The following ARK2N variants were observed in gnomAD, a reference collection of about 807,000 sequenced individuals.
The protein encoded by ARK2N is arkadia (RNF111) N-terminal like PKA signaling regulator 2N, also known as protein ARK2N.
At chr18:46,200,126 A>T in the ARK2N span, among the ~76,000 whole-genome samples, 1 of 151,446 alleles carries the variant, frequency 6.6e-6, no homozygotes, top group Non-Finnish European at 1.5e-5. Context: ...GTGTATTTTT[A>T]AGACCTGGTG....
the ARK2N span, among the ~76,000 whole-genome samples, chr18:46,186,744 G>A: frequency 5.3e-5 from 8 of 151,800 alleles, no homozygotes; most frequent in East Asian, 1.9e-4. Context: ...TCCTGACCTC[G>A]TGATCCGCCC....
At chr18:46,240,413 A>G in the ARK2N span, among the ~76,000 whole-genome samples, 1 of 152,222 alleles carries the variant, frequency 6.6e-6, no homozygotes, top group Non-Finnish European at 1.5e-5. Context: ...CATTTAAGAC[A>G]TTAATTGTAG....
chr18:46,174,490 G>C, the ARK2N span, among the ~76,000 whole-genome samples: 1 of 152,056 alleles, frequency 6.6e-6, no homozygotes, highest in Non-Finnish European at 1.5e-5. Context: ...CCTGGCTGGT[G>C]GGCGCCGGGA....
chr18:46,255,041 T>C, the ARK2N span, among the ~76,000 whole-genome samples: 2 of 152,362 alleles, frequency 1.3e-5, no homozygotes, highest in Non-Finnish European at 2.9e-5. Context: ...TACTTGGCTC[T>C]TTGATCTGAT....
At chr18:46,174,046 A>T in the ARK2N span, 1 of 152,312 alleles carries the variant, frequency 6.6e-6, no homozygotes, top group Non-Finnish European at 1.5e-5. Context: ...TGAGGCGCCC[A>T]GCGGAACGGC....
the ARK2N span, among the ~76,000 whole-genome samples, chr18:46,211,982 G>A: frequency 3.3e-5 from 5 of 152,240 alleles, no homozygotes; most frequent in African/African-American, 7.2e-5. Flanking sequence ...TAATCTGGTT[G>A]TATGGAAAGA....
chr18:46,242,406 A>G, the ARK2N span, among the ~76,000 whole-genome samples: 1 of 152,218 alleles, frequency 6.6e-6, no homozygotes, highest in Non-Finnish European at 1.5e-5. Flanking sequence ...GTTTTAAAAT[A>G]TCATTAAAGT....
chr18:46,181,332 A>G, the ARK2N span, among the ~76,000 whole-genome samples: 1 of 152,118 alleles, frequency 6.6e-6, no homozygotes, highest in Non-Finnish European at 1.5e-5. Context: ...CTTGTAATTC[A>G]AGTTCATGTA....
chr18:46,253,907 C>G, the ARK2N span: 1 of 1,429,788 alleles, frequency 7.0e-7, no homozygotes, highest in Non-Finnish European at 9.4e-7. Context: ...AAATGGTAGA[C>G]TTTATGGCAT....
chr18:46,258,806 T>G, the ARK2N span, among the ~76,000 whole-genome samples: 2 of 151,866 alleles, frequency 1.3e-5, no homozygotes, highest in African/African-American at 4.8e-5. Context: ...ATGAAACTAT[T>G]TTTTTTTATG....
At chr18:46,226,806 C>CTTTTTT in the ARK2N span, among the ~76,000 whole-genome samples, 9 of 133,980 alleles carry the variant, frequency 6.7e-5, no homozygotes, top group African/African-American at 2.5e-4. Flanking sequence ...ACTGGATTTA[C>CTTTTTT]TTTTTTTTTT....
chr18:46,241,446 G>T, the ARK2N span, among the ~76,000 whole-genome samples: 1 of 152,102 alleles, frequency 6.6e-6, no homozygotes, highest in Admixed American at 6.5e-5. Context: ...ATGCTTCTGG[G>T]CACAGTGGCT....
At chr18:46,189,858 T>C in the ARK2N span, among the ~76,000 whole-genome samples, 1 of 152,122 alleles carries the variant, frequency 6.6e-6, no homozygotes, top group African/African-American at 2.4e-5. Flanking sequence ...AGTGAGACAC[T>C]GTCTCAAAAA....
At chr18:46,219,631 A>G in the ARK2N span, among the ~76,000 whole-genome samples, 2 of 151,930 alleles carry the variant, frequency 1.3e-5, no homozygotes, top group Non-Finnish European at 2.9e-5. Flanking sequence ...CACCATGCCC[A>G]GCTAATTTTT....
At chr18:46,219,994 C>T in the ARK2N span, among the ~76,000 whole-genome samples, 1 of 152,130 alleles carries the variant, frequency 6.6e-6, no homozygotes, top group Non-Finnish European at 1.5e-5. Context: ...TACTAACATA[C>T]GTGCATCGGT....
At chr18:46,177,406 C>T in the ARK2N span, among the ~76,000 whole-genome samples, 3 of 140,414 alleles carry the variant, frequency 2.1e-5, no homozygotes, top group African/African-American at 5.2e-5. Flanking sequence ...TTCTTTTGTT[C>T]GTTTGTTCTT....
chr18:46,228,790 C>G, the ARK2N span: 6 of 398,550 alleles, frequency 1.5e-5, no homozygotes, highest in Non-Finnish European at 2.7e-5. Context: ...AGGCTGGCCT[C>G]AGACGCCTGG....
the ARK2N span, among the ~76,000 whole-genome samples, chr18:46,236,937 C>T: frequency 6.6e-6 from 1 of 150,876 alleles, no homozygotes; most frequent in South Asian, 2.1e-4. Flanking sequence ...GATCTCAGCT[C>T]ACTGCAACCT....
the ARK2N span, among the ~76,000 whole-genome samples, chr18:46,238,440 CT>C: frequency 6.6e-6 from 1 of 152,100 alleles, no homozygotes; most frequent in Non-Finnish European, 1.5e-5. Context: ...TTGCAGCTTT[CT>C]TTTCTTTTTT....
Sources: allele counts gnomAD v4.1 joint callset (sites outside exome capture counted in the v4.1 genomes callset), GRCh38; gene constraint gnomAD v4.1.1; transcripts MANE v1.5; gene names NCBI Gene and HGNC (gene_info 2026-07-23, HGNC 2026-07-21).